The following KDM4C variants were observed in gnomAD, a reference collection of about 807,000 sequenced individuals.
The protein encoded by KDM4C is lysine-specific demethylase 4C.
In KDM4C, 81 loss-of-function variants were observed where a neutral mutation model predicts 129.3. That is an observed-to-expected ratio of 0.63 (90% confidence interval 0.52 to 0.75). KDM4C has a LOEUF of 0.75. KDM4C is among the 30% of genes least tolerant of loss of function. KDM4C has a pLI of 0.00. For synonymous variants in KDM4C, 573 were observed against 456.1 expected, an observed-to-expected ratio of 1.26 and a Z score of -3.26; for missense variants, 1,457 against 1,304.0, an observed-to-expected ratio of 1.12 and a Z score of -1.81.
At position 6,733,743 on chromosome 9, in the gene KDM4C, TAGAC is replaced by T. The variant is rs1192565993; in HGVS notation, c.49+12750_49+12753del. Among the ~76,000 whole-genome samples, 6 of 152,224 alleles carry T rather than the reference TAGAC, an allele frequency of 3.9e-5. No homozygotes were observed. The South Asian group carries it at 1.0e-3, about 26-fold the overall frequency. On this transcript the variant is annotated intron_variant, in intron 1 of 17. Transcript: ENST00000536108. Reference sequence around the variant, plus strand: ...AAGGAATAAAAGAATGGCTATTCCATAGACAGAGCAGCCCCAAGGGCTGCTGGTT... The same window carrying T: ...AAGGAATAAAAGAATGGCTATTCCATAGAGCAGCCCCAAGGGCTGCTGGTT...
intron 8 of KDM4C, among the ~76,000 whole-genome samples, chr9:6,966,071 C>G (rs886236922): frequency 6.6e-6 from 1 of 152,156 alleles, no homozygotes; most frequent in Non-Finnish European, 1.5e-5. Context: ...TCAGAGTTAA[C>G]TTTGCATTTA....
rs530062989 is a variant in KDM4C at position 6,749,693 on chromosome 9, A to G, written c.49+28696A>G. Among the ~76,000 whole-genome samples the G allele has an allele frequency of 2.4e-3, 366 of 152,012 alleles. 2 individuals are homozygous for G. The highest frequency in any genetic ancestry group is 8.5e-3 in the African/African-American group (354 of 41,482). Reference sequence around the variant, plus strand: ...AAAAAAATAAAAAAATAAAATTAAAAAAAGGTAACCTGGCTGGGCGCAGTG... The same window carrying G: ...AAAAAAATAAAAAAATAAAATTAAAGAAAGGTAACCTGGCTGGGCGCAGTG... On this transcript the variant is annotated intron_variant, in intron 1 of 17. Coordinates refer to the KDM4C transcript ENST00000536108.
chr9:6,984,991 G>A (rs371200091), intron 10 of KDM4C, among the ~76,000 whole-genome samples: 1 of 152,116 alleles, frequency 6.6e-6, no homozygotes, highest in African/African-American at 2.4e-5. Flanking sequence ...TGGAGTTTTT[G>A]TATTGTAATA....
chr9:6,924,655 A>G (rs1298587262), intron 8 of KDM4C: 4 of 572,552 alleles, frequency 7.0e-6, no homozygotes, highest in East Asian at 2.9e-4. Context: ...GATTATTCCA[A>G]CGTTGAATGT....
In KDM4C at chr9:7,174,910, A is replaced by G; in HGVS notation, c.*181A>G. ...ATACAAAATACACCCAATGAATTGGACGCAGCAATCTGAAATCATCTCTAG... is the reference window on the plus strand; with the variant it reads ...ATACAAAATACACCCAATGAATTGGGCGCAGCAATCTGAAATCATCTCTAG... On this transcript the variant is annotated 3_prime_UTR_variant, in exon 22 of 22. Coordinates refer to ENST00000381309, the MANE Select transcript of KDM4C (RefSeq NM_015061.6). 1.9e-6 allele frequency: 1 copy of G among 518,752 alleles called. No homozygotes were observed. The highest frequency in any genetic ancestry group is 3.5e-6 in the Non-Finnish European group (1 of 288,554). The allele number at this position is 518,752 out of a possible 1,614,324, so 32.1% of individuals were successfully genotyped here.
At chr9:6,889,251 G>GTGT (rs61683546) in intron 7 of KDM4C, among the ~76,000 whole-genome samples, 1 of 137,872 alleles carries the variant, frequency 7.3e-6, no homozygotes, top group Non-Finnish European at 1.6e-5. Context: ...GTGTGTGTGT[G>GTGT]GGAGGGTGGG....
At chr9:7,149,899 G>C (rs531787890) in intron 19 of KDM4C, among the ~76,000 whole-genome samples, 3 of 152,184 alleles carry the variant, frequency 2.0e-5, no homozygotes, top group Non-Finnish European at 2.9e-5. Flanking sequence ...AGCTTTACAC[G>C]TATAAATTCC....
rs777025604 is a variant in KDM4C, at chr9:6,984,170, C to T, written c.1120C>T (p.Gln374Ter). The change falls in exon 10 of 22, where the codon CAG (glutamine) becomes TAG (stop). Residue 374 changes from glutamine to a stop codon, truncating the protein, a stop_gained. Coordinates refer to ENST00000381309, the MANE Select transcript of KDM4C (RefSeq NM_015061.6). LOFTEE classifies it high-confidence loss of function. ...CACTGCTTCTCTTGTTGACAGCTTC[C>T]AGTGTGCTAGGTCTACCTCTAAAAG... Reference protein sequence around the residue: ...RKVRKASRSFQCARSTSKRPK... With the variant: ...RKVRKASRSF The T allele has an allele frequency of 1.9e-6, 3 of 1,610,246 alleles. No individual in the cohort carries two copies. Among genetic ancestry groups the T allele is most frequent in the South Asian group, 1.1e-5 (1 of 90,882 alleles).
At chr9:6,816,297 C>T (rs1406866018) in intron 4 of KDM4C, among the ~76,000 whole-genome samples, 1 of 152,102 alleles carries the variant, frequency 6.6e-6, no homozygotes, top group Non-Finnish European at 1.5e-5. Flanking sequence ...AAACCTAGAG[C>T]TTTATGAATT....
At chr9:7,012,168 G>A (rs949619453) in intron 13 of KDM4C, among the ~76,000 whole-genome samples, 9 of 152,156 alleles carry the variant, frequency 5.9e-5, no homozygotes, top group Non-Finnish European at 1.2e-4. Flanking sequence ...TCTGGCTCAG[G>A]CGATCCCTCT....
rs1274156711 is a variant in KDM4C at position 6,732,069 on chromosome 9, T to C, written c.49+11072T>C. The stretch of plus-strand genomic sequence containing the variant: ...ACCAAACCACCTAAAATCAAATAGA[T>C]CAAAGAATGAGGCTGGGGCTGGGTG... On this transcript the variant is annotated intron_variant, in intron 1 of 17. Coordinates refer to the KDM4C transcript ENST00000536108. Among the ~76,000 whole-genome samples, 3 of 151,886 alleles carry C rather than the reference T, an allele frequency of 2.0e-5. No individual in the cohort carries two copies. In the East Asian group the frequency reaches 5.8e-4, roughly 29 times the overall value.
At chr9:6,821,261 A>C (rs1033067964) in intron 4 of KDM4C, among the ~76,000 whole-genome samples, 1 of 152,160 alleles carries the variant, frequency 6.6e-6, no homozygotes, top group Non-Finnish European at 1.5e-5. Context: ...GGGTCAAATG[A>C]TAATTCTAGT....
At chr9:6,848,752 C>T (rs143934087) in intron 4 of KDM4C, among the ~76,000 whole-genome samples, 80 of 152,282 alleles carry the variant, frequency 5.3e-4, no homozygotes, top group African/African-American at 1.9e-3. Flanking sequence ...GTGACTCTAA[C>T]CTTCCCTCGC....
At chr9:6,957,784 C>T (rs1461607427) in intron 8 of KDM4C, among the ~76,000 whole-genome samples, 5 of 152,280 alleles carry the variant, frequency 3.3e-5, no homozygotes, top group African/African-American at 1.2e-4. Flanking sequence ...AATCAGAGAG[C>T]TGGGTCTGCA....
intron 17 of KDM4C, among the ~76,000 whole-genome samples, chr9:7,060,718 G>A (rs1290050283): frequency 6.6e-6 from 1 of 152,100 alleles, no homozygotes; most frequent in African/African-American, 2.4e-5. Context: ...CTGACCTCGT[G>A]ATCCGCCTGC....
chr9:6,795,705 T>G (rs566009148), intron 2 of KDM4C, among the ~76,000 whole-genome samples: 22 of 152,084 alleles, frequency 1.4e-4, no homozygotes, highest in Non-Finnish European at 2.9e-4. Context: ...AGTGTCTCAT[T>G]TTGTCACCCA....
At chr9:6,967,094 G>T (rs535001650) in intron 8 of KDM4C, among the ~76,000 whole-genome samples, 6 of 152,200 alleles carry the variant, frequency 3.9e-5, no homozygotes, top group African/African-American at 1.4e-4. Flanking sequence ...ATCATGAAGT[G>T]ACTAAAGCAT....
At chr9:6,916,057 G>A (rs1238586021) in intron 8 of KDM4C, among the ~76,000 whole-genome samples, 1 of 152,194 alleles carries the variant, frequency 6.6e-6, no homozygotes. Flanking sequence ...ACCTGGTGAA[G>A]ATTGGATGGT....
intron 8 of KDM4C, among the ~76,000 whole-genome samples, chr9:6,940,034 T>TTCTTTCC (rs1563850249): frequency 1.4e-5 from 1 of 70,998 alleles, no homozygotes; most frequent in African/African-American, 6.3e-5. Context: ...TCCTTCCTTC[T>TTCTTTCC]TTCCTTCCTT....
Sources: allele counts gnomAD v4.1 joint callset (sites outside exome capture counted in the v4.1 genomes callset), GRCh38; gene constraint gnomAD v4.1.1; transcripts MANE v1.5; gene names NCBI Gene and HGNC (gene_info 2026-07-23, HGNC 2026-07-21).